HACL2: variants seen among roughly 807,000 people sequenced by gnomAD.
HACL2 encodes 2-hydroxyacyl-CoA lyase 2, also known as 2-hydroxyacyl-CoA lyase 1 like.
the HACL2 span, chr19:15,123,056 G>T: frequency 1.2e-6 from 2 of 1,608,508 alleles, no homozygotes; most frequent in African/African-American, 1.3e-5. The surrounding 1 kb of genome is among the most constrained non-coding windows in gnomAD (Gnocchi z 5.1). Context: ...GTGTGGCAGG[G>T]TTATCGCATG....
the HACL2 span, chr19:15,115,886 G>A: frequency 1.2e-5 from 20 of 1,614,180 alleles, no homozygotes; most frequent in African/African-American, 2.5e-4. Flanking sequence ...CGATGAGGCT[G>A]TAGCCAAAAG....
At chr19:15,119,896 C>T in the HACL2 span, 1 of 909,668 alleles carries the variant, frequency 1.1e-6, no homozygotes, top group South Asian at 1.8e-5. Context: ...ATTAAGGCCC[C>T]AGTACTGACT....
the HACL2 span, among the ~76,000 whole-genome samples, chr19:15,121,327 A>G: frequency 6.6e-6 from 1 of 152,086 alleles, no homozygotes; most frequent in Non-Finnish European, 1.5e-5. Context: ...CTTCACACAC[A>G]TCCGGAGTAC....
the HACL2 span, chr19:15,117,866 G>C: frequency 6.2e-7 from 1 of 1,613,794 alleles, no homozygotes; most frequent in South Asian, 1.1e-5. Context: ...TGTACGGGGG[G>C]ATTAAGGGGC....
At chr19:15,121,899 CTT>C in the HACL2 span, among the ~76,000 whole-genome samples, 8 of 137,100 alleles carry the variant, frequency 5.8e-5, no homozygotes, top group Non-Finnish European at 4.7e-5. Flanking sequence ...GGCTCTGCCA[CTT>C]TTTTTTTTTT....
At chr19:15,123,239 C>G in the HACL2 span, 1 of 1,613,810 alleles carries the variant, frequency 6.2e-7, no homozygotes, top group Non-Finnish European at 8.5e-7. This position sits in a 1 kb window ranked among gnomAD's most constrained non-coding sequence, Gnocchi z 5.1. Flanking sequence ...CCACGCCCAC[C>G]GTCCCTGGAA....
At chr19:15,116,118 G>A in the HACL2 span, 5 of 1,613,254 alleles carry the variant, frequency 3.1e-6, no homozygotes, top group Non-Finnish European at 4.2e-6. Context: ...CTGATGGATG[G>A]TGCCCACTGC....
At chr19:15,119,541 G>A in the HACL2 span, 1 of 1,583,202 alleles carries the variant, frequency 6.3e-7, no homozygotes, top group East Asian at 2.2e-5. Flanking sequence ...GGGATCAAAG[G>A]GCTGTCTTTT....
At chr19:15,125,134 C>T in the HACL2 span, 4 of 1,411,292 alleles carry the variant, frequency 2.8e-6, no homozygotes, top group Non-Finnish European at 3.8e-6. Context: ...AGAAATCGCG[C>T]CCCTTCTCGC....
chr19:15,121,946 G>A, the HACL2 span, among the ~76,000 whole-genome samples: 1 of 141,794 alleles, frequency 7.1e-6, no homozygotes, highest in African/African-American at 2.6e-5. Context: ...CACCCAGGCT[G>A]GAGTGCAGTA....
the HACL2 span, chr19:15,116,179 G>A: frequency 1.6e-4 from 251 of 1,613,632 alleles, 1 homozygote; most frequent in South Asian, 2.5e-3. Flanking sequence ...AGGGGGCCGC[G>A]GGGCTGTACC....
the HACL2 span, chr19:15,122,837 C>T: frequency 7.4e-6 from 12 of 1,613,766 alleles, no homozygotes; most frequent in Middle Eastern, 1.6e-4. This position sits in a 1 kb window ranked among gnomAD's most constrained non-coding sequence, Gnocchi z 4.0. Flanking sequence ...GAGTCCATAA[C>T]ATGTCCCCAG....
the HACL2 span, chr19:15,122,563 A>G: frequency 8.0e-5 from 61 of 764,224 alleles, 2 homozygotes; most frequent in South Asian, 8.6e-4. The surrounding 1 kb of genome is among the most constrained non-coding windows in gnomAD (Gnocchi z 4.0). Context: ...TGTTCCTTCT[A>G]CCTGGAATGC....
chr19:15,124,730 A>T, the HACL2 span: 1 of 706,314 alleles, frequency 1.4e-6, no homozygotes, highest in Non-Finnish European at 2.2e-6. Flanking sequence ...GTTCTCTCTT[A>T]CCAGTGGCAA....
chr19:15,121,862 G>C, the HACL2 span, among the ~76,000 whole-genome samples: 85 of 149,896 alleles, frequency 5.7e-4, no homozygotes, highest in Admixed American at 1.6e-3. Flanking sequence ...GGAAGGAAAG[G>C]AGGAGGAAGG....
the HACL2 span, chr19:15,125,356 A>G: frequency 2.3e-6 from 1 of 438,772 alleles, no homozygotes; most frequent in Non-Finnish European, 4.1e-6. Context: ...CGACGACAGC[A>G]CCACACAGTT....
At chr19:15,122,407 A>G in the HACL2 span, among the ~76,000 whole-genome samples, 1 of 152,030 alleles carries the variant, frequency 6.6e-6, no homozygotes, top group Non-Finnish European at 1.5e-5. The surrounding 1 kb of genome is among the most constrained non-coding windows in gnomAD (Gnocchi z 4.0). Flanking sequence ...GAAGAGGAGG[A>G]AGAAGAGATG....
At chr19:15,120,828 A>AG in the HACL2 span, among the ~76,000 whole-genome samples, 1 of 152,176 alleles carries the variant, frequency 6.6e-6, no homozygotes, top group African/African-American at 2.4e-5. Context: ...AAGGCAAGGG[A>AG]GGCTGAGGCA....
At chr19:15,119,932 C>A in the HACL2 span, 1 of 1,287,428 alleles carries the variant, frequency 7.8e-7, no homozygotes, top group Non-Finnish European at 1.1e-6. Context: ...GGGGCCCTCT[C>A]CCCTCAGGGA....
Sources: gnomAD v4.1 joint callset for allele counts (sites outside exome capture counted in the v4.1 genomes callset) on GRCh38, gnomAD v4.1.1 for gene constraint, Gnocchi (gnomAD v3.1) non-coding constraint, MANE v1.5 for transcripts, NCBI Gene and HGNC (gene_info 2026-07-23, HGNC 2026-07-21) for gene names.